ZNF407: variants seen among roughly 807,000 people sequenced by gnomAD.
ZNF407 encodes the protein zinc finger protein 407.
ZNF407 carries 17 observed loss-of-function variants against 131.2 expected under a neutral mutation model. That is an observed-to-expected ratio of 0.13 (90% CI 0.09 to 0.19). The LOEUF (loss-of-function observed/expected upper bound fraction) is 0.19, where lower values mean the gene tolerates loss of function less well. ZNF407 is among the 10% of genes least tolerant of loss of function. ZNF407 has a pLI of 1.00. For synonymous variants in ZNF407, 1,156 were observed against 1,062.0 expected (o/e 1.09, Z -1.72); for missense variants, 2,681 against 2,830.6 (o/e 0.95, Z 1.20).
chr18:74,728,629 G>A (rs1179343833), intron 3 of ZNF407, among the ~76,000 whole-genome samples: 1 of 152,202 alleles, frequency 6.6e-6, no homozygotes. Flanking sequence ...AGGGAGAGAT[G>A]TACAGGAAGC....
intron 3 of ZNF407, among the ~76,000 whole-genome samples, chr18:74,664,213 A>G (rs1044902608): frequency 7.9e-5 from 12 of 152,302 alleles, no homozygotes; most frequent in Non-Finnish European, 1.5e-4. Context: ...AAGAAAGGAC[A>G]TTTTTTGGCT....
intron 4 of ZNF407, among the ~76,000 whole-genome samples, chr18:74,867,379 GTTATC>G (rs200055127): frequency 0.012 from 1,900 of 152,286 alleles, 42 homozygotes; most frequent in African/African-American, 0.042. Context: ...TTGTGGAATA[GTTATC>G]TTAATTTATA....
chr18:74,734,798 G>A (rs989766847), intron 3 of ZNF407, among the ~76,000 whole-genome samples: 2 of 151,714 alleles, frequency 1.3e-5, no homozygotes, highest in Non-Finnish European at 2.9e-5. Context: ...TAGTTGAGAT[G>A]TTTCTTCGAG....
intron 1 of ZNF407, among the ~76,000 whole-genome samples, chr18:74,623,042 GTGAA>G (rs1207836062): frequency 9.5e-6 from 1 of 105,696 alleles, no homozygotes; most frequent in East Asian, 5.9e-4. Context: ...GCATGTGTGT[GTGAA>G]TGAGTGCATG....
Position 74,641,042 on chromosome 18 carries a change from T to C in ZNF407, c.4722T>C (p.Phe1574=), listed in dbSNP as rs1164504531. 6.2e-7 allele frequency: 1 copy of C among 1,613,412 alleles called. No homozygotes were observed. Among genetic ancestry groups the C allele is most frequent in the Non-Finnish European group, 8.5e-7 (1 of 1,179,444 alleles). Residue 1574 remains phenylalanine (F), a synonymous_variant, in exon 3 of 9, where the codon TTT becomes TTC. Coordinates refer to ENST00000299687, the MANE Select transcript of ZNF407 (RefSeq NM_017757.3). Reference sequence around the variant, plus strand: ...CATTCAAGTGCAAGATATGCCATTTTGCAACAGCTCAGCTTGGAGATGCCA... The same window carrying C: ...CATTCAAGTGCAAGATATGCCATTTCGCAACAGCTCAGCTTGGAGATGCCA... ...SKPFKCKICH[F]ATAQLGDARN... is the part of the protein sequence containing the mutation.
chr18:74,605,769 G>A (rs1982776922), intron 1 of ZNF407, among the ~76,000 whole-genome samples: 1 of 152,114 alleles, frequency 6.6e-6, no homozygotes. Context: ...TATGAACCCA[G>A]TAAGATATAA....
At position 75,063,674 on chromosome 18, in the gene ZNF407, G is replaced by C; in HGVS notation, c.5953G>C (p.Ala1985Pro). 6.2e-7 allele frequency: 1 copy of C among 1,610,072 alleles called. No homozygotes were observed. Residue 1985 changes from alanine (A) to proline (P), a missense_variant, in exon 9 of 9, where the codon GCA becomes CCA. Around this residue, in one of 6 missense-constraint regions of ZNF407, gnomAD observed 620 missense variants for 583.1 expected, o/e 1.06. Transcript: ENST00000299687. The surrounding 1 kb of genome is among the most constrained non-coding windows in gnomAD (Gnocchi z 6.6). The part of the protein sequence containing the change: ...LSEAGVAPPE[A>P]SSALDALLCA... Reference sequence around the variant, plus strand: ...GGAGGCTGGAGTCGCTCCCCCCGAGGCATCCTCAGCCCTGGATGCATTGCT... The same window carrying C: ...GGAGGCTGGAGTCGCTCCCCCCGAGCCATCCTCAGCCCTGGATGCATTGCT...
intron 4 of ZNF407, among the ~76,000 whole-genome samples, chr18:74,797,221 A>G (rs1053000012): frequency 1.3e-5 from 2 of 152,234 alleles, no homozygotes; most frequent in Non-Finnish European, 2.9e-5. Flanking sequence ...GTGGCCTTCA[A>G]GGGGCTCCAG....
At chr18:74,888,190 A>G (rs1971336769) in intron 6 of ZNF407, among the ~76,000 whole-genome samples, 2 of 152,224 alleles carry the variant, frequency 1.3e-5, no homozygotes, top group Non-Finnish European at 2.9e-5. Context: ...TCCATCTTAC[A>G]TGTAAAATTT....
At chr18:74,598,457 C>G (rs1237202802) in intron 1 of ZNF407, 1 of 152,348 alleles carries the variant, frequency 6.6e-6, no homozygotes, top group African/African-American at 2.4e-5. Context: ...AACAGATGCT[C>G]CCCTAGCTGC....
chr18:74,849,800 A>C (rs1263764790), intron 4 of ZNF407, among the ~76,000 whole-genome samples: 2 of 152,306 alleles, frequency 1.3e-5, no homozygotes, highest in East Asian at 3.9e-4. Context: ...ATAAGATTGA[A>C]ATCTCCTGTT....
rs570959097 is a variant in ZNF407, at chr18:74,837,801, C to T, written c.4878-39396C>T. 5.3e-5 allele frequency among the ~76,000 whole-genome samples: 8 copies of T among 152,134 alleles called. No homozygotes were observed. In the South Asian group the frequency reaches 1.2e-3, roughly 24 times the overall value. ...CTGAGTAGCTGAGACTTACAGGTAT[C>T]CACCATCACACCCAGCTAATTTTTG... is the stretch of plus-strand genomic sequence containing the variant. On this transcript the variant is annotated intron_variant, in intron 4 of 8. Transcript: ENST00000299687.
At chr18:74,973,128 TTA>T (rs146638520) in intron 8 of ZNF407, among the ~76,000 whole-genome samples, 4 of 152,080 alleles carry the variant, frequency 2.6e-5, no homozygotes, top group Middle Eastern at 3.4e-3. Context: ...ATTCTAGGTT[TTA>T]TATATATATG....
At chr18:74,622,590 A>G (rs1983563039) in intron 1 of ZNF407, among the ~76,000 whole-genome samples, 1 of 152,056 alleles carries the variant, frequency 6.6e-6, no homozygotes, top group African/African-American at 2.4e-5. Flanking sequence ...TGTCACACGT[A>G]CCCCTCAGTG....
chr18:74,728,594 G>A (rs987303238), intron 3 of ZNF407, among the ~76,000 whole-genome samples: 1 of 152,194 alleles, frequency 6.6e-6, no homozygotes, highest in Non-Finnish European at 1.5e-5. Flanking sequence ...AGATTGAGGT[G>A]TTGGTGGGCC....
At chr18:75,051,887 A>G (rs187400488) in intron 8 of ZNF407, among the ~76,000 whole-genome samples, 4 of 152,330 alleles carry the variant, frequency 2.6e-5, no homozygotes, top group Non-Finnish European at 1.5e-5. Flanking sequence ...AGGCACTCTC[A>G]TAAGTGAAGG....
chr18:74,696,904 A>T (rs372218324), intron 3 of ZNF407, among the ~76,000 whole-genome samples: 2 of 152,340 alleles, frequency 1.3e-5, no homozygotes, highest in African/African-American at 4.8e-5. Flanking sequence ...TAATCTCATC[A>T]TATGGAGGTT....
chr18:74,665,941 T>C (rs1328998215), intron 3 of ZNF407, among the ~76,000 whole-genome samples: 1 of 152,174 alleles, frequency 6.6e-6, no homozygotes, highest in Non-Finnish European at 1.5e-5. Flanking sequence ...ACATACATAA[T>C]GTTTAAAGAG....
chr18:74,944,439 A>G (rs1267806734), intron 8 of ZNF407, among the ~76,000 whole-genome samples: 1 of 152,176 alleles, frequency 6.6e-6, no homozygotes, highest in Non-Finnish European at 1.5e-5. Flanking sequence ...GCCACCAGCA[A>G]TGGAATCTGT....
Sources: allele counts gnomAD v4.1 joint callset (sites outside exome capture counted in the v4.1 genomes callset), GRCh38; gene constraint gnomAD v4.1.1; regional missense constraint gnomAD v4.1.1; non-coding constraint Gnocchi (gnomAD v3.1); transcripts MANE v1.5; gene names NCBI Gene and HGNC (gene_info 2026-07-23, HGNC 2026-07-21).